The following C10orf105 variants were observed in gnomAD, a reference collection of about 807,000 sequenced individuals.
The protein encoded by C10orf105 is chromosome 10 open reading frame 105.
In C10orf105, 2 loss-of-function variants were observed where a neutral mutation model predicts 0.6. That is an observed-to-expected ratio of 3.18 (90% confidence interval 1.30 to 10.01). The LOEUF is 10.01. Ranked by LOEUF, C10orf105 falls within the 30% of genes most tolerant of loss-of-function variation. C10orf105 has a pLI of 0.04. For missense variants in C10orf105, 209 were observed against 191.4 expected (o/e 1.09, Z -0.54); for synonymous variants, 95 against 82.4 (o/e 1.15, Z -0.83).
intron 1 of C10orf105, among the ~76,000 whole-genome samples, chr10:71,736,664 C>T (rs1564766729): frequency 6.6e-6 from 1 of 152,192 alleles, no homozygotes. Context: ...GCCCCCCTCA[C>T]CCCTGCCTTG....
At chr10:71,731,781 G>A (rs935488627) in intron 1 of C10orf105, among the ~76,000 whole-genome samples, 4 of 152,204 alleles carry the variant, frequency 2.6e-5, no homozygotes, top group South Asian at 2.1e-4. Context: ...CCAGAGGAAG[G>A]CTCAACAGTG....
At chr10:71,734,110 AACAG>A (rs1170863793) in intron 1 of C10orf105, 10 of 764,124 alleles carry the variant, frequency 1.3e-5, no homozygotes, top group South Asian at 9.3e-5. Context: ...GAAGGAATTC[AACAG>A]ACAGAGTGTC....
At position 71,712,808 on chromosome 10, in the gene C10orf105, T is replaced by G. The variant is rs77821631; in HGVS notation, c.*3128A>C. 1,998 of 1,611,752 alleles carry G rather than the reference T, an allele frequency of 1.2e-3. 24 individuals are homozygous for G. In the African/African-American group the frequency reaches 0.023, roughly 19 times the overall value. On this transcript the variant is annotated 3_prime_UTR_variant, in exon 2 of 2. Coordinates refer to ENST00000441508, the MANE Select transcript of C10orf105 (RefSeq NM_001164375.3). Reference sequence around the variant, plus strand: ...GGACATCCCTGAAGGCCACAGCATCTTGCAGGCAGGTGGCCCGTGGCCTCT... The same window carrying G: ...GGACATCCCTGAAGGCCACAGCATCGTGCAGGCAGGTGGCCCGTGGCCTCT...
intron 1 of C10orf105, among the ~76,000 whole-genome samples, chr10:71,727,082 C>T (rs939633732): frequency 9.2e-5 from 14 of 152,236 alleles, no homozygotes; most frequent in African/African-American, 2.9e-4. Flanking sequence ...AACCCTCACA[C>T]GTGCCCGATA....
At chr10:71,730,289 G>A (rs894777098) in intron 1 of C10orf105, among the ~76,000 whole-genome samples, 4 of 152,284 alleles carry the variant, frequency 2.6e-5, no homozygotes, top group African/African-American at 4.8e-5. Flanking sequence ...CCTGCCACGC[G>A]CCAGGTGCTG....
rs1226258255 is a variant in C10orf105 at position 71,713,991 on chromosome 10, G to A, written c.*1945C>T. ...CCCACTTTCTAAACCCAAAGACTTG[G>A]TTTCTATTTACACAATACTACTCTT... On this transcript the variant is annotated 3_prime_UTR_variant, in exon 2 of 2. Transcript: ENST00000441508. 4 of 152,284 alleles carry A rather than the reference G, an allele frequency of 2.6e-5. No individual in the cohort carries two copies. Among genetic ancestry groups the A allele is most frequent in the Admixed American group, 6.5e-5 (1 of 15,296 alleles). The allele number at this position is 152,284 out of a possible 1,614,324, so 9.4% of individuals were successfully genotyped here.
chr10:71,722,813 C>T (rs566504314), upstream of C10orf105, among the ~76,000 whole-genome samples: 12 of 152,250 alleles, frequency 7.9e-5, no homozygotes, highest in Non-Finnish European at 1.5e-4. Flanking sequence ...GGCCAGCACA[C>T]GCTTGGTGTT....
chr10:71,716,185 G>A lies in C10orf105; in HGVS notation c.153C>T (p.Thr51=), dbSNP rs1866222226. The change falls in exon 2 of 2, where the codon ACC becomes ACT. Residue 51 remains threonine (T), a synonymous_variant. Coordinates refer to ENST00000441508, the MANE Select transcript of C10orf105 (RefSeq NM_001164375.3). ...TGCAGAGCGTCATGAACAGCAGACA[G>A]GTGGCCAGCAGGAGGAAGATGCAGG... ...ALACIFLLLA[T]CLLFMTLCKP... 5.8e-6 allele frequency: 9 copies of A among 1,551,184 alleles called. No individual in the cohort carries two copies. Among genetic ancestry groups the A allele is most frequent in the Non-Finnish European group, 7.8e-6 (9 of 1,146,860 alleles).
At chr10:71,728,155 C>T (rs74147043) in intron 1 of C10orf105, among the ~76,000 whole-genome samples, 5 of 152,002 alleles carry the variant, frequency 3.3e-5, no homozygotes, top group South Asian at 2.1e-4. Flanking sequence ...TTCTGTTTAC[C>T]GAAAAAGAGT....
rs925692808 is a variant in C10orf105, at chr10:71,714,838, G to A, written c.*1098C>T. 1 of 152,238 alleles carries A rather than the reference G, an allele frequency of 6.6e-6. No individual in the cohort carries two copies. Among genetic ancestry groups the A allele is most frequent in the Admixed American group, 6.5e-5 (1 of 15,282 alleles). 9.4% of individuals were successfully genotyped at this position (152,238 alleles called of 1,614,324 possible). A position where few individuals can be genotyped will look rare whatever the true frequency, so the allele number is the denominator to read the frequency against. On this transcript the variant is annotated 3_prime_UTR_variant, in exon 2 of 2. Coordinates refer to ENST00000441508, the MANE Select transcript of C10orf105 (RefSeq NM_001164375.3). ...GGATCCTGGCCAGCTGACTGGGACA[G>A]GAGCTGGGCAGCCCAGGTCCTCCCT...
chr10:71,728,679 A>G (rs182477628), intron 1 of C10orf105, among the ~76,000 whole-genome samples: 1 of 152,186 alleles, frequency 6.6e-6, no homozygotes, highest in East Asian at 1.9e-4. Context: ...TTCCCTCTCT[A>G]CTTTGCTGGC....
At chr10:71,737,140 A>G (rs141190402) in intron 1 of C10orf105, among the ~76,000 whole-genome samples, 35 of 152,226 alleles carry the variant, frequency 2.3e-4, no homozygotes, top group Non-Finnish European at 3.5e-4. Flanking sequence ...TCCCATTTCA[A>G]ATGGGCGGAC....
intron 1 of C10orf105, among the ~76,000 whole-genome samples, chr10:71,731,036 A>G (rs1839362696): frequency 1.3e-5 from 2 of 152,214 alleles, no homozygotes; most frequent in Non-Finnish European, 2.9e-5. Context: ...CTGACCCTGT[A>G]CAAGGGGCAG....
chr10:71,726,826 C>T (rs1263579708), intron 1 of C10orf105, among the ~76,000 whole-genome samples: 1 of 152,258 alleles, frequency 6.6e-6, no homozygotes, highest in East Asian at 1.9e-4. Flanking sequence ...GGCCCTCGCT[C>T]CCCGCTCCCT....
intron 1 of C10orf105, among the ~76,000 whole-genome samples, chr10:71,731,438 G>A (rs1839382127): frequency 6.6e-6 from 1 of 152,210 alleles, no homozygotes; most frequent in Non-Finnish European, 1.5e-5. Context: ...CGCGGCTGTG[G>A]CCCCTTGAGG....
chr10:71,732,341 A>G lies in C10orf105; in HGVS notation c.-6+5387T>C, dbSNP rs1038949759. ...CGCTTCAACGCCTACACCAGCACCC[A>G]GGCCAAAGCCCTCTTCAAGATAGAC... On this transcript the variant is annotated intron_variant, in intron 1 of 1. Transcript: ENST00000398786. 3.8e-6 allele frequency: 6 copies of G among 1,581,134 alleles called. No individual in the cohort carries two copies. Among genetic ancestry groups the G allele is most frequent in the African/African-American group, 1.4e-5 (1 of 74,050 alleles).
At chr10:71,718,791 G>T (rs2132782523) in intron 1 of C10orf105, among the ~76,000 whole-genome samples, 1 of 152,294 alleles carries the variant, frequency 6.6e-6, no homozygotes, top group Non-Finnish European at 1.5e-5. Flanking sequence ...GTGAGGCCAG[G>T]CGTGTTGGCT....
upstream of C10orf105, chr10:71,724,024 T>G (rs1431782545): frequency 6.4e-7 from 1 of 1,554,040 alleles, no homozygotes; most frequent in South Asian, 1.2e-5. Flanking sequence ...AAGAAGTAAC[T>G]CGTGTCTCAT....
At chr10:71,731,875 A>G (rs1267571045) in intron 1 of C10orf105, 6 of 1,108,354 alleles carry the variant, frequency 5.4e-6, no homozygotes, top group Non-Finnish European at 7.7e-6. Flanking sequence ...GAGGTGGGGC[A>G]GCCCATGCTG....
Sources: allele counts gnomAD v4.1 joint callset (sites outside exome capture counted in the v4.1 genomes callset), GRCh38; gene constraint gnomAD v4.1.1; transcripts MANE v1.5; gene names NCBI Gene and HGNC (gene_info 2026-07-23, HGNC 2026-07-21).